The following SLITRK5 variants were observed in gnomAD, a reference collection of about 807,000 sequenced individuals.
SLITRK5 encodes the protein SLIT and NTRK like family member 5.
In SLITRK5, 23 loss-of-function variants were observed where a neutral mutation model predicts 56.2. The observed-to-expected ratio is 0.41, with a 90% CI of 0.29 to 0.58. The LOEUF (loss-of-function observed/expected upper bound fraction) is 0.58. Ranked by LOEUF, SLITRK5 falls within the 20% of genes least tolerant of loss-of-function variation. The pLI is 0.30. For synonymous variants in SLITRK5, 637 were observed against 531.8 expected (o/e 1.20, Z -2.72); for missense variants, 1,289 against 1,226.6 (o/e 1.05, Z -0.76).
In SLITRK5 at chr13:87,677,841, G is replaced by A; in HGVS notation, c.2453G>A (p.Gly818Glu). Residue 818 changes from glycine to glutamate, a missense_variant, in exon 2 of 2, where the codon GGG (glycine) becomes GAG (glutamate). By Grantham distance (98) the Gly-to-Glu change is moderately conservative (BLOSUM62 -2). Around this residue, in one of 3 missense-constraint regions of SLITRK5, gnomAD observed 985 missense variants for 906.0 expected, o/e 1.09. Coordinates refer to ENST00000683689, the MANE Select transcript of SLITRK5 (RefSeq NM_001384609.1). The surrounding 1 kb of genome is among the most constrained non-coding windows in gnomAD (Gnocchi z 4.7). ...QPPPQLQLQPGEEERRESHHL... is the reference protein window; with the variant it reads ...QPPPQLQLQPEEEERRESHHL... The stretch of plus-strand genomic sequence containing the variant: ...CCGCCGCAGCTGCAGCTGCAGCCCG[G>A]GGAGGAGGAGAGGCGGGAAAGCCAC... 1 of 1,611,980 alleles carries A rather than the reference G, an allele frequency of 6.2e-7. No individual in the cohort carries two copies. Among genetic ancestry groups the A allele is most frequent in the Non-Finnish European group, 8.5e-7 (1 of 1,178,966 alleles).
At position 87,677,198 on chromosome 13, in the gene SLITRK5, C is replaced by G. The variant is rs371327441; in HGVS notation, c.1810C>G (p.Arg604Gly). 6.2e-7 allele frequency: 1 copy of G among 1,614,016 alleles called. No individual in the cohort carries two copies. The highest frequency in any genetic ancestry group is 1.1e-5 in the South Asian group (1 of 91,080). The change falls in exon 2 of 2, where the codon CGC becomes GGC. Residue 604 changes from arginine (R) to glycine (G), a missense_variant. Physicochemically the swap from Arg to Gly is moderately radical, Grantham distance 125. This residue lies in a region of SLITRK5 where 985 missense variants were observed against 906.0 expected (regional missense o/e 1.09). Coordinates refer to ENST00000683689, the MANE Select transcript of SLITRK5 (RefSeq NM_001384609.1). This position sits in a 1 kb window ranked among gnomAD's most constrained non-coding sequence, Gnocchi z 4.7. ...CAAAAAATTCGCTGAGACCGACATG[C>G]GCTCCATTAAGTCGGAGCTGCTGTG... is the stretch of plus-strand genomic sequence containing the variant. ...APKKFAETDM[R>G]SIKSELLCPD...
In SLITRK5 at chr13:87,671,921, C is replaced by T; in HGVS notation, c.-297C>T. ...CGCCTTCGCTGGAGCAGCCGAGGGG[C>T]CGGTGCCACCTTTGCTCGCCCCCTC... On this transcript the variant is annotated 5_prime_UTR_variant, in exon 1 of 2. Transcript: ENST00000683689. Among the ~76,000 whole-genome samples, 1 of 152,128 alleles carries T rather than the reference C, an allele frequency of 6.6e-6. No homozygotes were observed. Among genetic ancestry groups the T allele is most frequent in the East Asian group, 1.9e-4 (1 of 5,148 alleles).
rs779165684 is a variant in SLITRK5, at chr13:87,677,471, AACC to A, written c.2085_2087del (p.Asn695_Gln696delinsLys). The A allele has an allele frequency of 6.2e-7, 1 of 1,612,114 alleles. No homozygotes were observed. Among genetic ancestry groups the A allele is most frequent in the South Asian group, 1.1e-5 (1 of 91,082 alleles). ...GCTGGTCATGAAGCGCAGGAAGAAG[AACC>A]AGAGCGACCACACCAGCACCAACAA... On this transcript the variant is annotated inframe_deletion, in exon 2 of 2. Coordinates refer to ENST00000683689, the MANE Select transcript of SLITRK5 (RefSeq NM_001384609.1). The surrounding 1 kb of genome is among the most constrained non-coding windows in gnomAD (Gnocchi z 4.7).
chr13:87,677,419 C>G lies in SLITRK5; in HGVS notation c.2031C>G (p.Ser677=), dbSNP rs371995343. 3.7e-6 allele frequency: 6 copies of G among 1,613,522 alleles called. No individual in the cohort carries two copies. The highest frequency in any genetic ancestry group is 1.1e-5 in the South Asian group (1 of 91,082). The change falls in exon 2 of 2, where the codon TCC becomes TCG. Residue 677 remains serine, a synonymous_variant. Transcript: ENST00000683689. The surrounding 1 kb of genome is among the most constrained non-coding windows in gnomAD (Gnocchi z 4.7). ...GCCTCCTGCTGGTTTTCATCATGTC[C>G]GTCTTCGTGGCCGCCGGGCTCTTCG... ...ILSLLLVFIM[S]VFVAAGLFVL...
chr13:87,677,925 C>A lies in SLITRK5; in HGVS notation c.2537C>A (p.Ser846Ter). ...STIEPREDLL[S>*]PVQDADRFYR... is the part of the protein sequence containing the mutation. ...ATCGAGCCCCGGGAGGACCTGCTGT[C>A]GCCGGTGCAGGACGCCGACCGCTTT... The change falls in exon 2 of 2, where the codon TCG becomes TAG. Residue 846 changes from serine to a stop codon, truncating the protein, a stop_gained. Coordinates refer to ENST00000683689, the MANE Select transcript of SLITRK5 (RefSeq NM_001384609.1). LOFTEE classifies it high-confidence loss of function. The surrounding 1 kb of genome is among the most constrained non-coding windows in gnomAD (Gnocchi z 4.7). 1 of 1,613,786 alleles carries A rather than the reference C, an allele frequency of 6.2e-7. No individual in the cohort carries two copies. Among genetic ancestry groups the A allele is most frequent in the Non-Finnish European group, 8.5e-7 (1 of 1,179,816 alleles).
chr13:87,677,684 C>T lies in SLITRK5; in HGVS notation c.2296C>T (p.Arg766Cys), dbSNP rs1376045292. The T allele has an allele frequency of 6.2e-7, 1 of 1,605,578 alleles. No individual in the cohort carries two copies. The highest frequency in any genetic ancestry group is 1.1e-5 in the South Asian group (1 of 90,902). ...LGHMCKNPIYRSREGNSVEDY... is the reference protein window; with the variant it reads ...LGHMCKNPIYCSREGNSVEDY... ...CCACATGTGCAAAAACCCCATCTAC[C>T]GCTCCCGAGAGGGCAACTCCGTAGA... is the stretch of plus-strand genomic sequence containing the variant. The change falls in exon 2 of 2, where the codon CGC becomes TGC. Residue 766 changes from arginine to cysteine, a missense_variant. Physicochemically the swap from Arg to Cys is radical, Grantham distance 180. Coordinates refer to ENST00000683689, the MANE Select transcript of SLITRK5 (RefSeq NM_001384609.1). This position sits in a 1 kb window ranked among gnomAD's most constrained non-coding sequence, Gnocchi z 4.7.
Position 87,675,678 on chromosome 13 carries a change from A to G in SLITRK5, c.290A>G (p.Tyr97Cys). The G allele has an allele frequency of 3.1e-6, 5 of 1,614,186 alleles. No homozygotes were observed. The highest frequency in any genetic ancestry group is 4.2e-6 in the Non-Finnish European group (5 of 1,180,034). Reference sequence around the variant, plus strand: ...TCCGGAAACCTTTTGAACCGTCTCTATCCCAATGAGTTTGTCAATTACACT... The same window carrying G: ...TCCGGAAACCTTTTGAACCGTCTCTGTCCCAATGAGTTTGTCAATTACACT... ...LLSGNLLNRL[Y>C]PNEFVNYTGA... Residue 97 changes from tyrosine (Y) to cysteine (C), a missense_variant, in exon 2 of 2, where the codon TAT becomes TGT. Tyr to Cys is a radical substitution (Grantham distance 194, BLOSUM62 -2). Transcript: ENST00000683689.
chr13:87,675,950 C>G lies in SLITRK5; in HGVS notation c.562C>G (p.Leu188Val), dbSNP rs1330498487. The change falls in exon 2 of 2, where the codon CTT becomes GTT. Residue 188 changes from leucine to valine, a missense_variant. By Grantham distance (32) the Leu-to-Val change is conservative. Around this residue, in one of 3 missense-constraint regions of SLITRK5, gnomAD observed 291 missense variants for 286.7 expected, o/e 1.02. Transcript: ENST00000683689. ...LLQVLILNDNLLSSLPNNLFR... is the reference protein window; with the variant it reads ...LLQVLILNDNVLSSLPNNLFR... ...GCAGGTGCTTATCCTCAATGACAAT[C>G]TTTTGTCCAGTTTACCCAACAATCT... 6.2e-7 allele frequency: 1 copy of G among 1,614,152 alleles called. No individual in the cohort carries two copies. The highest frequency in any genetic ancestry group is 2.2e-5 in the East Asian group (1 of 44,842).
At chr13:87,675,279 G>C in intron 1 of SLITRK5, 102 bp from the exon 2 acceptor site, 2 of 745,048 alleles carry the variant, frequency 2.7e-6, no homozygotes, top group Non-Finnish European at 4.5e-6. Flanking sequence ...TCTTCCTTTT[G>C]GGTTTTAGAG....
Position 87,678,751 on chromosome 13 carries a change from T to C in SLITRK5, c.*486T>C, listed in dbSNP as rs567362393. ...GCACACCCCAACTTTAATAGGAAAT[T>C]TGTTCTCTTTTTCCGCCCCTCTCCT... On this transcript the variant is annotated 3_prime_UTR_variant, in exon 2 of 2. Transcript: ENST00000683689. The C allele has an allele frequency of 1.2e-5, 2 of 166,470 alleles. No individual in the cohort carries two copies. The highest frequency in any genetic ancestry group is 2.1e-4 in the South Asian group (1 of 4,682). The allele number at this position is 166,470 out of a possible 1,614,324, so 10.3% of individuals were successfully genotyped here.
At position 87,671,824 on chromosome 13, in the gene SLITRK5, C is replaced by G. The variant is rs1566317283; in HGVS notation, c.-394C>G. 6.6e-6 allele frequency among the ~76,000 whole-genome samples: 1 copy of G among 151,984 alleles called. No individual in the cohort carries two copies. Among genetic ancestry groups the G allele is most frequent in the Admixed American group, 6.5e-5 (1 of 15,284 alleles). On this transcript the variant is annotated 5_prime_UTR_variant, in exon 1 of 2. Transcript: ENST00000683689. ...GGCGGCGGGCTCGGCGCGGAGACAG[C>G]GTCGGCGGGATCCCAGCGCGGTGGT... is the stretch of plus-strand genomic sequence containing the variant.
rs1177799953 is a variant in SLITRK5, at chr13:87,676,376, C to T, written c.988C>T (p.Pro330Ser). The T allele has an allele frequency of 1.2e-6, 2 of 1,614,092 alleles. No homozygotes were observed. The highest frequency in any genetic ancestry group is 1.7e-5 in the Admixed American group (1 of 60,012). The change falls in exon 2 of 2, where the codon CCC becomes TCC. Residue 330 changes from proline to serine, a missense_variant. Pro to Ser is a moderately conservative substitution (Grantham distance 74). This residue lies in a region of SLITRK5 where 985 missense variants were observed against 906.0 expected (regional missense o/e 1.09). Coordinates refer to ENST00000683689, the MANE Select transcript of SLITRK5 (RefSeq NM_001384609.1). Reference sequence around the variant, plus strand: ...TGCTGTTTACAAACCCCCTTTGAAGCCCCCTAAGGGGACTCGCCAACCCAA... The same window carrying T: ...TGCTGTTTACAAACCCCCTTTGAAGTCCCCTAAGGGGACTCGCCAACCCAA... ...SSAVYKPPLK[P>S]PKGTRQPNKP...
In SLITRK5 at chr13:87,676,915, G is replaced by T; in HGVS notation, c.1527G>T (p.Leu509=). Residue 509 remains leucine, a synonymous_variant, in exon 2 of 2, where the codon CTG becomes CTT. Transcript: ENST00000683689. ...TTGACCCGGTCCCAAACCTCCAGCT[G>T]CTATTCTTGAATAACAACCTCCTGC... is the stretch of plus-strand genomic sequence containing the variant. ...GTFDPVPNLQ[L]LFLNNNLLQA... 6.2e-7 allele frequency: 1 copy of T among 1,614,178 alleles called. No homozygotes were observed. The highest frequency in any genetic ancestry group is 8.5e-7 in the Non-Finnish European group (1 of 1,180,032).
rs1877426155 is a variant in SLITRK5, at chr13:87,679,036, A to G, written c.*771A>G. On this transcript the variant is annotated 3_prime_UTR_variant, in exon 2 of 2. Coordinates refer to ENST00000683689, the MANE Select transcript of SLITRK5 (RefSeq NM_001384609.1). ...ATTTAGCATTCCTCTTTCCTTCACT[A>G]TTTAGCCTATGATTTTGCAGAGGTG... The G allele has an allele frequency of 6.0e-6, 1 of 166,798 alleles. No homozygotes were observed. The highest frequency in any genetic ancestry group is 1.9e-4 in the East Asian group (1 of 5,196). The allele number at this position is 166,798 out of a possible 1,614,324, so 10.3% of individuals were successfully genotyped here. A position where few individuals can be genotyped will look rare whatever the true frequency, so the allele number is the denominator to read the frequency against.
At chr13:87,672,742 T>G (rs1340707209) in intron 1 of SLITRK5, 7 of 152,134 alleles carry the variant, frequency 4.6e-5, no homozygotes, top group African/African-American at 1.2e-4. Flanking sequence ...AGAAACCTAG[T>G]GCATACCCCA....
chr13:87,678,158 T>C lies in SLITRK5; in HGVS notation c.2770T>C (p.Phe924Leu). Reference sequence around the variant, plus strand: ...GCTCTACAGCCCCCCGAGTGCTGTCTTTGTAGAACCCAACCGGAACGAATA... The same window carrying C: ...GCTCTACAGCCCCCCGAGTGCTGTCCTTGTAGAACCCAACCGGAACGAATA... Reference protein sequence around the residue: ...PVLYSPPSAVFVEPNRNEYLE... With the variant: ...PVLYSPPSAVLVEPNRNEYLE... Residue 924 changes from phenylalanine to leucine, a missense_variant, in exon 2 of 2, where the codon TTT (phenylalanine) becomes CTT (leucine). This residue lies in a region of SLITRK5 where 985 missense variants were observed against 906.0 expected (regional missense o/e 1.09). Transcript: ENST00000683689. 1.2e-6 allele frequency: 2 copies of C among 1,614,222 alleles called. No homozygotes were observed. Among genetic ancestry groups the C allele is most frequent in the East Asian group, 2.2e-5 (1 of 44,866 alleles).
Position 87,678,270 on chromosome 13 carries a change from A to T in SLITRK5, c.*5A>T. ...ACCACGTTTAGCCAGTTCTAAAAGCAAAGAAACTCTCTTGGAGCTTTTGCA... is the reference window on the plus strand; with the variant it reads ...ACCACGTTTAGCCAGTTCTAAAAGCTAAGAAACTCTCTTGGAGCTTTTGCA... On this transcript the variant is annotated 3_prime_UTR_variant, in exon 2 of 2. Transcript: ENST00000683689. 6.3e-7 allele frequency: 1 copy of T among 1,594,628 alleles called. No homozygotes were observed. The highest frequency in any genetic ancestry group is 8.5e-7 in the Non-Finnish European group (1 of 1,169,670).
chr13:87,673,229 T>C (rs1877122127), intron 1 of SLITRK5, among the ~76,000 whole-genome samples: 2 of 142,282 alleles, frequency 1.4e-5, no homozygotes, highest in African/African-American at 2.7e-5. Flanking sequence ...AATCTGAGAA[T>C]GTTCAGCGCA....
chr13:87,676,545 A>G lies in SLITRK5; in HGVS notation c.1157A>G (p.Asp386Gly). 6.2e-7 allele frequency: 1 copy of G among 1,614,144 alleles called. No individual in the cohort carries two copies. ...TACSCNLQIS[D>G]LGLNVNCQER... is the part of the protein sequence containing the mutation. ...TGCTCTTGCAACCTGCAGATCTCTGATCTGGGCCTCAACGTAAACTGCCAG... is the reference window on the plus strand; with the variant it reads ...TGCTCTTGCAACCTGCAGATCTCTGGTCTGGGCCTCAACGTAAACTGCCAG... The change falls in exon 2 of 2, where the codon GAT (aspartate) becomes GGT (glycine). Residue 386 changes from aspartate (D) to glycine (G), a missense_variant. Transcript: ENST00000683689.
Sources: gnomAD v4.1 joint callset for allele counts (sites outside exome capture counted in the v4.1 genomes callset) on GRCh38, gnomAD v4.1.1 for gene constraint, gnomAD v4.1.1 regional missense constraint, Gnocchi (gnomAD v3.1) non-coding constraint, MANE v1.5 for transcripts, NCBI Gene and HGNC (gene_info 2026-07-23, HGNC 2026-07-21) for gene names.